Variants in SLC24A4 observed in about 807,000 individuals in gnomAD.
The protein encoded by SLC24A4 is sodium/potassium/calcium exchanger 4.
In SLC24A4, 53 loss-of-function variants were observed where a neutral mutation model predicts 79.0. The observed-to-expected ratio is 0.67, with a 90% CI of 0.54 to 0.84. SLC24A4 has a LOEUF of 0.84. Ranked by LOEUF, SLC24A4 falls within the 40% of genes least tolerant of loss-of-function variation. SLC24A4 has a pLI of 0.00. For missense variants in SLC24A4, 731 were observed against 822.0 expected, an observed-to-expected ratio of 0.89 and a Z score of 1.35; for synonymous variants, 323 against 323.8, an observed-to-expected ratio of 1.00 and a Z score of 0.03.
chr14:92,449,219 A>G lies in SLC24A4; in HGVS notation c.880+3A>G, dbSNP rs776015539. On this transcript the variant is annotated splice_donor_region_variant and intron_variant, in intron 10 of 16. Coordinates refer to ENST00000532405, the MANE Select transcript of SLC24A4 (RefSeq NM_153646.4). ...TTCCGTGCCATTGCTGGGGCAAGGT[A>G]AGGCTGAGCAGACAGGAGTGGGCAG... The G allele has an allele frequency of 1.9e-6, 3 of 1,610,432 alleles. No individual in the cohort carries two copies. The highest frequency in any genetic ancestry group is 1.3e-5 in the African/African-American group (1 of 74,668).
Position 92,441,580 on chromosome 14 carries a change from T to C in SLC24A4, c.394-509T>C, listed in dbSNP as rs543957881. Among the ~76,000 whole-genome samples the C allele has an allele frequency of 6.6e-6, 1 of 152,314 alleles. No homozygotes were observed. The highest frequency in any genetic ancestry group is 6.5e-5 in the Admixed American group (1 of 15,304). On this transcript the variant is annotated intron_variant, in intron 4 of 16. Coordinates refer to ENST00000532405, the MANE Select transcript of SLC24A4 (RefSeq NM_153646.4). The surrounding 1 kb of genome is among the most constrained non-coding windows in gnomAD (Gnocchi z 4.6). ...TACCCAAAACCGGCATGGGAGGGGA[T>C]GGTCACTAGACTAGTGTGTGCCTGT...
Position 92,361,339 on chromosome 14 carries a change from G to C in SLC24A4, c.241+35361G>C, listed in dbSNP as rs150383442. On this transcript the variant is annotated intron_variant, in intron 2 of 16. Transcript: ENST00000532405. ...AGGTATTCTCCTTGGAAAGTGTTCT[G>C]GGGGTAGAGAAGCAAGGTTGGGAAG... Among the ~76,000 whole-genome samples the C allele has an allele frequency of 3.2e-3, 482 of 150,720 alleles. 2 individuals are homozygous for C. Among genetic ancestry groups the C allele is most frequent in the African/African-American group, 0.011 (439 of 40,864 alleles).
chr14:92,372,414 C>T (rs529179612), intron 2 of SLC24A4, among the ~76,000 whole-genome samples: 2 of 152,094 alleles, frequency 1.3e-5, no homozygotes, highest in Admixed American at 1.3e-4. Flanking sequence ...CTGAGCCTGA[C>T]CCAGGAGAGA....
Position 92,355,462 on chromosome 14 carries a change from C to A in SLC24A4, c.241+29484C>A, listed in dbSNP as rs570068240. Among the ~76,000 whole-genome samples, 6 of 152,274 alleles carry A rather than the reference C, an allele frequency of 3.9e-5. No individual in the cohort carries two copies. The South Asian group carries it at 1.2e-3, about 32-fold the overall frequency. ...AGGCTAGAAGGACGAGCTGACTTAC[C>A]CAAAAGTTCAAAAGCTAGCTCTCAA... On this transcript the variant is annotated intron_variant, in intron 2 of 16. Coordinates refer to ENST00000532405, the MANE Select transcript of SLC24A4 (RefSeq NM_153646.4).
chr14:92,439,431 C>T (rs1566767002), intron 4 of SLC24A4, 22 bp downstream of exon 4: 1 of 1,604,202 alleles, frequency 6.2e-7, no homozygotes, highest in African/African-American at 1.3e-5. Context: ...GGACTTGGGA[C>T]ACCTTGGTGA....
chr14:92,359,368 G>C (rs1229355663), intron 2 of SLC24A4, among the ~76,000 whole-genome samples: 2 of 152,148 alleles, frequency 1.3e-5, no homozygotes, highest in African/African-American at 4.8e-5. Flanking sequence ...GAGGTCAGGA[G>C]TTCAAGACCA....
At chr14:92,420,477 CAAA>C (rs778526307) in intron 2 of SLC24A4, among the ~76,000 whole-genome samples, 1 of 136,190 alleles carries the variant, frequency 7.3e-6, no homozygotes, top group Non-Finnish European at 1.6e-5. Context: ...GACTCTGTCT[CAAA>C]AAAAAAAAAA....
chr14:92,390,621 C>A (rs897409525), intron 2 of SLC24A4, among the ~76,000 whole-genome samples: 1 of 152,144 alleles, frequency 6.6e-6, no homozygotes, highest in Admixed American at 6.5e-5. Context: ...TGTCCCCTGC[C>A]CCAGAATGGG....
Position 92,454,080 on chromosome 14 carries a change from T to C in SLC24A4, c.1050+11T>C, listed in dbSNP as rs1309062047. ...ATCATCATTAATGAGGTGAGTTTGC[T>C]TGAAGGACCATAAAAGTGAGCAGCC... On this transcript the variant is annotated intron_variant, in intron 11 of 16. Transcript: ENST00000532405. 2 of 1,610,006 alleles carry C rather than the reference T, an allele frequency of 1.2e-6. No homozygotes were observed. Among genetic ancestry groups the C allele is most frequent in the Non-Finnish European group, 1.7e-6 (2 of 1,178,216 alleles).
intron 15 of SLC24A4, among the ~76,000 whole-genome samples, 155 bp downstream of exon 15, chr14:92,491,932 C>T (rs747612078): frequency 6.6e-6 from 1 of 152,212 alleles, no homozygotes; most frequent in Non-Finnish European, 1.5e-5. Flanking sequence ...TTAGGGATGT[C>T]TACACTTCCA....
intron 2 of SLC24A4, among the ~76,000 whole-genome samples, chr14:92,375,916 TA>T (rs1246980799): frequency 2.0e-5 from 3 of 151,210 alleles, no homozygotes; most frequent in African/African-American, 2.4e-5. Context: ...GGTGTGTGCT[TA>T]AAAAAAAATG....
chr14:92,492,911 G>A (rs181872755), intron 16 of SLC24A4: 2 of 453,294 alleles, frequency 4.4e-6, no homozygotes, highest in African/African-American at 2.0e-5. Flanking sequence ...AAGATAGAAG[G>A]ATCAGGGAGG....
chr14:92,437,889 A>G (rs531399683), intron 3 of SLC24A4, among the ~76,000 whole-genome samples: 9 of 152,354 alleles, frequency 5.9e-5, no homozygotes, highest in African/African-American at 2.2e-4. Flanking sequence ...GTGCTAGGAC[A>G]GAGAGCTGCT....
At chr14:92,385,233 G>A (rs1009105289) in intron 2 of SLC24A4, among the ~76,000 whole-genome samples, 11 of 152,132 alleles carry the variant, frequency 7.2e-5, no homozygotes, top group Non-Finnish European at 1.2e-4. Flanking sequence ...CCGGCCAGGC[G>A]CGGTGGCTCA....
chr14:92,378,041 G>C (rs1342182225), intron 2 of SLC24A4, among the ~76,000 whole-genome samples: 2 of 152,278 alleles, frequency 1.3e-5, no homozygotes, highest in Non-Finnish European at 2.9e-5. Context: ...GCACGGGATT[G>C]GTTCTGACCT....
intron 12 of SLC24A4, among the ~76,000 whole-genome samples, chr14:92,470,035 T>G (rs1398062723): frequency 6.6e-6 from 1 of 152,200 alleles, no homozygotes; most frequent in Non-Finnish European, 1.5e-5. Context: ...GCTTGCACAT[T>G]CTAAATGGGT....
At chr14:92,370,030 G>A (rs944036422) in intron 2 of SLC24A4, among the ~76,000 whole-genome samples, 3 of 152,202 alleles carry the variant, frequency 2.0e-5, no homozygotes, top group South Asian at 2.1e-4. Flanking sequence ...AGTAACTATG[G>A]TAAGTATTAA....
intron 2 of SLC24A4, among the ~76,000 whole-genome samples, chr14:92,333,974 G>A (rs908074826): frequency 2.0e-5 from 3 of 151,894 alleles, no homozygotes; most frequent in African/African-American, 7.3e-5. Context: ...GAGAAAGCAC[G>A]AGAAATCAAG....
chr14:92,486,369 G>A (rs1002559057), intron 13 of SLC24A4, among the ~76,000 whole-genome samples: 1 of 152,172 alleles, frequency 6.6e-6, no homozygotes, highest in African/African-American at 2.4e-5. Context: ...AGGGCTCAGA[G>A]GGCCTGGGCA....
Sources: gnomAD v4.1 joint callset for allele counts (sites outside exome capture counted in the v4.1 genomes callset) on GRCh38, gnomAD v4.1.1 for gene constraint, Gnocchi (gnomAD v3.1) non-coding constraint, MANE v1.5 for transcripts, NCBI Gene and HGNC (gene_info 2026-07-23, HGNC 2026-07-21) for gene names.